DYNC2H1: variants seen among roughly 807,000 people sequenced by gnomAD.
The protein encoded by DYNC2H1 is cytoplasmic dynein 2 heavy chain 1.
DYNC2H1 carries 410 observed loss-of-function variants against 570.0 expected under a neutral mutation model. That is an observed-to-expected ratio of 0.72 (90% CI 0.66 to 0.78). The LOEUF (loss-of-function observed/expected upper bound fraction) is 0.78. Ranked by LOEUF, DYNC2H1 falls within the 30% of genes least tolerant of loss-of-function variation. DYNC2H1 has a pLI of 0.00. For synonymous variants in DYNC2H1, 1,688 were observed against 1,677.6 expected, an observed-to-expected ratio of 1.01 and a Z score of -0.15; for missense variants, 4,865 against 5,046.4, an observed-to-expected ratio of 0.96 and a Z score of 1.09.
intron 84 of DYNC2H1, among the ~76,000 whole-genome samples, chr11:103,408,789 G>A (rs2511498): frequency 0.51 from 77,693 of 151,798 alleles, 20,196 homozygotes; most frequent in African/African-American, 0.62. Flanking sequence ...ATGTTAACTC[G>A]CTTAGACTAG....
At chr11:103,200,915 C>T (rs1410937873) in intron 50 of DYNC2H1, among the ~76,000 whole-genome samples, 1 of 152,166 alleles carries the variant, frequency 6.6e-6, no homozygotes, top group African/African-American at 2.4e-5. Flanking sequence ...CAACCTCCCC[C>T]TCCCAGGTTC....
At chr11:103,231,932 T>C (rs796857491) in intron 60 of DYNC2H1, among the ~76,000 whole-genome samples, 3 of 151,782 alleles carry the variant, frequency 2.0e-5, no homozygotes, top group African/African-American at 7.3e-5. Context: ...TATATACTTA[T>C]AGAGAAATAC....
chr11:103,439,345 G>T lies in DYNC2H1; in HGVS notation c.12456+3313G>T, dbSNP rs1256863711. Among the ~76,000 whole-genome samples the T allele has an allele frequency of 6.6e-6, 1 of 151,934 alleles. No homozygotes were observed. Among genetic ancestry groups the T allele is most frequent in the African/African-American group, 2.4e-5 (1 of 41,380 alleles). On this transcript the variant is annotated intron_variant, in intron 85 of 88. Transcript: ENST00000375735. The surrounding 1 kb of genome is among the most constrained non-coding windows in gnomAD (Gnocchi z 4.1). Reference sequence around the variant, plus strand: ...GTTATACCAAAGTTATTGAAATTTTGTAAAAAAAATTAATAAAAAGTAAGC... The same window carrying T: ...GTTATACCAAAGTTATTGAAATTTTTTAAAAAAAATTAATAAAAAGTAAGC...
intron 83 of DYNC2H1, among the ~76,000 whole-genome samples, chr11:103,394,236 G>A (rs1402463428): frequency 2.0e-5 from 3 of 152,098 alleles, no homozygotes; most frequent in African/African-American, 4.8e-5. Flanking sequence ...ATGACTGTTT[G>A]GGTTTTATTT....
intron 77 of DYNC2H1, 21 bp from the exon 78 acceptor site, chr11:103,307,700 G>T: frequency 1.5e-6 from 2 of 1,374,214 alleles, no homozygotes; most frequent in African/African-American, 1.5e-5. Flanking sequence ...GTAAATTTTT[G>T]TCATTGGTTT....
rs573193401 is a variant in DYNC2H1, at chr11:103,304,696, A to T, written c.11358A>T (p.Val3786=). The T allele has an allele frequency of 3.7e-6, 6 of 1,612,824 alleles. No homozygotes were observed. The African/African-American group carries it at 4.0e-5, about 11-fold the overall frequency. ...GTTTGAAGAACTTACATCTTGTGGT[A>T]TCTTGGCTGCCAGTTCTGGAAAAGG... ...WLCLKNLHLV[V]SWLPVLEKEL... Residue 3786 remains valine, a synonymous_variant, in exon 77 of 89, where the codon GTA becomes GTT. Transcript: ENST00000375735.
In DYNC2H1 at chr11:103,189,005, G is replaced by T. The variant is rs888881738; in HGVS notation, c.7292+357G>T. 1.3e-5 allele frequency among the ~76,000 whole-genome samples: 2 copies of T among 152,018 alleles called. No individual in the cohort carries two copies. Among genetic ancestry groups the T allele is most frequent in the Non-Finnish European group, 2.9e-5 (2 of 67,972 alleles). On this transcript the variant is annotated intron_variant, in intron 44 of 88. Transcript: ENST00000375735. The surrounding 1 kb of genome is among the most constrained non-coding windows in gnomAD (Gnocchi z 4.3). ...CAAATTTATGAAGATAACAAAAAGA[G>T]AATTTCAATCTGAACAAGGGAGAAT...
Position 103,165,919 on chromosome 11 carries a change from A to C in DYNC2H1, c.4633A>C (p.Ile1545Leu). 1 of 1,513,180 alleles carries C rather than the reference A, an allele frequency of 6.6e-7. No homozygotes were observed. Among genetic ancestry groups the C allele is most frequent in the Non-Finnish European group, 8.8e-7 (1 of 1,131,116 alleles). 93.7% of individuals were successfully genotyped at this position (1,513,180 alleles called of 1,614,324 possible). A position where few individuals can be genotyped will look rare whatever the true frequency, so the allele number is the denominator to read the frequency against. The change falls in exon 31 of 89, where the codon ATT (isoleucine) becomes CTT (leucine). Residue 1545 changes from isoleucine to leucine, a missense_variant. Around this residue, in one of 5 missense-constraint regions of DYNC2H1, gnomAD observed 1,936 missense variants for 1,962.1 expected, o/e 0.99. Coordinates refer to ENST00000375735, the MANE Select transcript of DYNC2H1 (RefSeq NM_001377.3). Reference protein sequence around the residue: ...PSQILCLAEQIKFTEDVENAI... With the variant: ...PSQILCLAEQLKFTEDVENAI... ...ATAGATTTTATGCTTGGCGGAGCAG[A>C]TTAAATTCACTGAAGATGTAGAAAA... is the stretch of plus-strand genomic sequence containing the variant.
At chr11:103,226,438 T>C (rs1863804131) in intron 59 of DYNC2H1, among the ~76,000 whole-genome samples, 1 of 152,254 alleles carries the variant, frequency 6.6e-6, no homozygotes, top group Non-Finnish European at 1.5e-5. Context: ...ACACTGGATT[T>C]TGTTAAATGC....
In DYNC2H1 at chr11:103,395,936, TTTC is replaced by T. The variant is rs1942381058; in HGVS notation, c.12157-3724_12157-3722del. ...CATAGAAGTGAAGGTATTTTTCCCTTTTCTTTAACCCTTACAGATCCACTCCAA... is the reference window on the plus strand; with the variant it reads ...CATAGAAGTGAAGGTATTTTTCCCTTTTTAACCCTTACAGATCCACTCCAA... On this transcript the variant is annotated intron_variant, in intron 83 of 88. Transcript: ENST00000375735. This position sits in a 1 kb window ranked among gnomAD's most constrained non-coding sequence, Gnocchi z 4.3. Among the ~76,000 whole-genome samples, 1 of 152,204 alleles carries T rather than the reference TTTC, an allele frequency of 6.6e-6. No homozygotes were observed. The highest frequency in any genetic ancestry group is 2.1e-4 in the South Asian group (1 of 4,830).
rs544700812 is a variant in DYNC2H1, at chr11:103,322,259, A to G, written c.11934+1022A>G. Among the ~76,000 whole-genome samples the G allele has an allele frequency of 7.9e-5, 12 of 152,252 alleles. No individual in the cohort carries two copies. In the East Asian group the frequency reaches 2.1e-3, roughly 27 times the overall value. On this transcript the variant is annotated intron_variant, in intron 81 of 88. Transcript: ENST00000375735. ...AATAAATAGAGAATATCGCATAATT[A>G]CTATACATTTAACTCAGATAGTGTA...
At chr11:103,333,855 T>C (rs1652086725) in intron 82 of DYNC2H1, among the ~76,000 whole-genome samples, 1 of 152,352 alleles carries the variant, frequency 6.6e-6, no homozygotes, top group East Asian at 1.9e-4. Flanking sequence ...TTTTCTCTTT[T>C]AGTGGAAATT....
intron 82 of DYNC2H1, among the ~76,000 whole-genome samples, chr11:103,355,474 T>G (rs1188058471): frequency 6.6e-6 from 1 of 152,172 alleles, no homozygotes; most frequent in Non-Finnish European, 1.5e-5. Context: ...ACAAAAAAGC[T>G]TGTACTTTCT....
rs754402177 is a variant in DYNC2H1 at position 103,332,439 on chromosome 11, C to T, written c.12039+8449C>T. On this transcript the variant is annotated intron_variant, in intron 82 of 88. Transcript: ENST00000375735. ...AAAGGACACCATGCTGGATAAATTT[C>T]CACCACCTCACCCTCTCTTAAAAAA... is the stretch of plus-strand genomic sequence containing the variant. Among the ~76,000 whole-genome samples, 216 of 152,170 alleles carry T rather than the reference C, an allele frequency of 1.4e-3. 1 individual carries two copies. The highest frequency in any genetic ancestry group is 2.7e-3 in the Non-Finnish European group (184 of 68,020).
intron 82 of DYNC2H1, among the ~76,000 whole-genome samples, chr11:103,355,660 A>G (rs1940300537): frequency 6.6e-6 from 1 of 152,180 alleles, no homozygotes; most frequent in African/African-American, 2.4e-5. Context: ...AGAACAGGTG[A>G]AGTAGGAGTG....
chr11:103,171,106 T>C (rs773540626), intron 34 of DYNC2H1, 38 bp downstream of exon 34: 1 of 1,492,990 alleles, frequency 6.7e-7, no homozygotes, highest in Non-Finnish European at 9.1e-7. Flanking sequence ...ATTAAAATAT[T>C]TTGTAAGACT....
Position 103,151,219 on chromosome 11 carries a change from C to G in DYNC2H1, c.2947-917C>G, listed in dbSNP as rs1330062915. Among the ~76,000 whole-genome samples, 1 of 152,074 alleles carries G rather than the reference C, an allele frequency of 6.6e-6. No homozygotes were observed. The highest frequency in any genetic ancestry group is 1.5e-5 in the Non-Finnish European group (1 of 68,012). ...GCTCAAGCAGTGTTCCTGCTTCAGC[C>G]TCCTCAGTAGCTAGGAGTACAGGTG... On this transcript the variant is annotated intron_variant, in intron 20 of 88. Coordinates refer to ENST00000375735, the MANE Select transcript of DYNC2H1 (RefSeq NM_001377.3). This position sits in a 1 kb window ranked among gnomAD's most constrained non-coding sequence, Gnocchi z 4.6.
At chr11:103,315,692 CA>C (rs762005350) in intron 79 of DYNC2H1, among the ~76,000 whole-genome samples, 1 of 152,010 alleles carries the variant, frequency 6.6e-6, no homozygotes, top group East Asian at 1.9e-4. Flanking sequence ...ATGTGTGAAA[CA>C]TACTAAATGT....
chr11:103,317,171 G>C lies in DYNC2H1; in HGVS notation c.11725+551G>C, dbSNP rs1937898381. On this transcript the variant is annotated intron_variant, in intron 80 of 88. Coordinates refer to ENST00000375735, the MANE Select transcript of DYNC2H1 (RefSeq NM_001377.3). ...TAGAGTTTAGACCAATGATGGATTA[G>C]AGAATAGAGTATGTTGATAGTAATC... Among the ~76,000 whole-genome samples the C allele has an allele frequency of 2.0e-5, 3 of 152,154 alleles. No individual in the cohort carries two copies. The South Asian group carries it at 6.2e-4, about 32-fold the overall frequency.
Sources: allele counts gnomAD v4.1 joint callset (sites outside exome capture counted in the v4.1 genomes callset), GRCh38; gene constraint gnomAD v4.1.1; regional missense constraint gnomAD v4.1.1; non-coding constraint Gnocchi (gnomAD v3.1); transcripts MANE v1.5; gene names NCBI Gene and HGNC (gene_info 2026-07-23, HGNC 2026-07-21).